Variants in MECOM observed in about 807,000 individuals in gnomAD.
MECOM encodes MDS1 and EVI1 complex locus, also known as histone-lysine N-methyltransferase MECOM.
In MECOM, 13 loss-of-function variants were observed where a neutral mutation model predicts 116.3. The ratio of observed to expected loss-of-function variants is 0.11; its 90% CI spans 0.07 to 0.18. The LOEUF is 0.18. Among genes scored for constraint, MECOM ranks in the 10% least tolerant of loss-of-function variants. The probability of loss-of-function intolerance (pLI) is 1.00; values close to 1 mark genes in which losing one functional copy is unlikely to be tolerated. For synonymous variants in MECOM, 528 were observed against 535.2 expected, an observed-to-expected ratio of 0.99 and a Z score of 0.19; for missense variants, 1,299 against 1,509.0, an observed-to-expected ratio of 0.86 and a Z score of 2.31.
At chr3:169,427,461 A>T (rs1299384202) in intron 1 of MECOM, among the ~76,000 whole-genome samples, 1 of 152,202 alleles carries the variant, frequency 6.6e-6, no homozygotes, top group Non-Finnish European at 1.5e-5. Context: ...CTCTTCAGCT[A>T]TTCAAAAGGA....
intron 7 of MECOM, among the ~76,000 whole-genome samples, chr3:169,118,841 G>A (rs1034660836): frequency 2.0e-5 from 3 of 152,052 alleles, no homozygotes; most frequent in African/African-American, 7.2e-5. Flanking sequence ...CAAGAACATC[G>A]AATCTGGGAT....
chr3:169,119,760 T>G (rs1455639261), intron 7 of MECOM, among the ~76,000 whole-genome samples: 1 of 152,198 alleles, frequency 6.6e-6, no homozygotes, highest in Admixed American at 6.5e-5. Flanking sequence ...GAATGCCTTT[T>G]TGCGACAAGA....
chr3:169,530,632 G>A (rs1197306114), intron 1 of MECOM, among the ~76,000 whole-genome samples: 1 of 152,128 alleles, frequency 6.6e-6, no homozygotes, highest in Non-Finnish European at 1.5e-5. Flanking sequence ...GGTGTCAGCA[G>A]GGTAGAGAGA....
chr3:169,319,096 TAA>T (rs751122351), intron 2 of MECOM, among the ~76,000 whole-genome samples: 39 of 114,456 alleles, frequency 3.4e-4, no homozygotes, highest in East Asian at 4.9e-4. Flanking sequence ...AGACTCTGTC[TAA>T]AAAAAAAAAA....
chr3:169,092,519 G>C (rs911197018), intron 14 of MECOM, among the ~76,000 whole-genome samples: 1 of 151,700 alleles, frequency 6.6e-6, no homozygotes, highest in Non-Finnish European at 1.5e-5. Flanking sequence ...ATGTATAATA[G>C]TAGCCACTAT....
intron 2 of MECOM, among the ~76,000 whole-genome samples, chr3:169,349,727 C>A (rs993033219): frequency 2.0e-5 from 3 of 151,764 alleles, no homozygotes; most frequent in South Asian, 2.1e-4. Context: ...GGCTTAATTG[C>A]AGATATTGTC....
At chr3:169,625,477 C>T (rs1266808767) in intron 1 of MECOM, among the ~76,000 whole-genome samples, 1 of 152,120 alleles carries the variant, frequency 6.6e-6, no homozygotes, top group East Asian at 1.9e-4. Flanking sequence ...ACATAGGGCC[C>T]ATAAAGCAAC....
intron 1 of MECOM, among the ~76,000 whole-genome samples, chr3:169,614,035 C>A (rs935317847): frequency 2.6e-5 from 4 of 151,976 alleles, no homozygotes; most frequent in Admixed American, 6.6e-5. Flanking sequence ...TGCATTAATT[C>A]ATCTCATTTC....
chr3:169,444,150 C>G (rs1263396996), intron 1 of MECOM, among the ~76,000 whole-genome samples: 1 of 152,150 alleles, frequency 6.6e-6, no homozygotes, highest in East Asian at 1.9e-4. Flanking sequence ...TCATTTTGAT[C>G]TTGTTGCCCT....
intron 10 of MECOM, among the ~76,000 whole-genome samples, chr3:169,105,124 G>A (rs941345458): frequency 3.3e-5 from 5 of 152,116 alleles, no homozygotes; most frequent in African/African-American, 1.2e-4. Context: ...TGCCCAGCCA[G>A]CAACCACTGA....
At position 169,471,106 on chromosome 3, in the gene MECOM, C is replaced by T. The variant is rs138323436; in HGVS notation, c.38-89582G>A. The stretch of plus-strand genomic sequence containing the variant: ...CCCCAGGCTCAAACAACCCTCCCAC[C>T]TCAGCCTCCAGGGTAGCTGGGACTA... On this transcript the variant is annotated intron_variant, in intron 1 of 16. Coordinates refer to ENST00000651503, the MANE Select transcript of MECOM (RefSeq NM_004991.4). Among the ~76,000 whole-genome samples the T allele has an allele frequency of 2.0e-5, 3 of 152,162 alleles. No individual in the cohort carries two copies. The East Asian group carries it at 5.8e-4, about 30-fold the overall frequency.
intron 4 of MECOM, among the ~76,000 whole-genome samples, chr3:169,128,323 A>G (rs1733579695): frequency 6.6e-6 from 1 of 152,306 alleles, no homozygotes; most frequent in East Asian, 1.9e-4. Flanking sequence ...TCCAGAGAAT[A>G]CTAAAAATAA....
chr3:169,592,507 G>A (rs1351907542), intron 1 of MECOM, among the ~76,000 whole-genome samples: 2 of 152,104 alleles, frequency 1.3e-5, no homozygotes, highest in Non-Finnish European at 2.9e-5. Context: ...CCTCTGGGGT[G>A]TCCACCGCCC....
At chr3:169,297,163 A>T (rs972480182) in intron 2 of MECOM, among the ~76,000 whole-genome samples, 4 of 152,248 alleles carry the variant, frequency 2.6e-5, no homozygotes, top group Admixed American at 2.0e-4. Flanking sequence ...GGATCCAAAC[A>T]AACCAAAAAT....
At chr3:169,111,145 C>A (rs1727246388) in intron 9 of MECOM, among the ~76,000 whole-genome samples, 1 of 151,980 alleles carries the variant, frequency 6.6e-6, no homozygotes, top group Non-Finnish European at 1.5e-5. Context: ...AACCTTACAC[C>A]CGACTCTCTC....
At chr3:169,513,326 C>T (rs1234343550) in intron 1 of MECOM, among the ~76,000 whole-genome samples, 1 of 152,212 alleles carries the variant, frequency 6.6e-6, no homozygotes, top group Non-Finnish European at 1.5e-5. Flanking sequence ...TGATGTGGAG[C>T]TCTCTGATGA....
chr3:169,293,802 T>C (rs375041281), intron 2 of MECOM, among the ~76,000 whole-genome samples: 3 of 152,346 alleles, frequency 2.0e-5, no homozygotes, highest in East Asian at 3.9e-4. Context: ...CTTATATTTA[T>C]TGAATCAATG....
chr3:169,250,221 A>G (rs1756092387), intron 2 of MECOM, among the ~76,000 whole-genome samples: 1 of 152,202 alleles, frequency 6.6e-6, no homozygotes, highest in Admixed American at 6.5e-5. Context: ...GACAAAACAA[A>G]GGACACAAAA....
At chr3:169,192,016 T>C (rs748719263) in intron 2 of MECOM, among the ~76,000 whole-genome samples, 3 of 152,016 alleles carry the variant, frequency 2.0e-5, no homozygotes, top group Non-Finnish European at 4.4e-5. Context: ...CCGGTTTGTG[T>C]CTCTGCTGAT....
Sources: allele counts gnomAD v4.1 joint callset (sites outside exome capture counted in the v4.1 genomes callset), GRCh38; gene constraint gnomAD v4.1.1; transcripts MANE v1.5; gene names NCBI Gene and HGNC (gene_info 2026-07-23, HGNC 2026-07-21).